The following WIPI1 variants were observed in gnomAD, a reference collection of about 807,000 sequenced individuals.
WIPI1 encodes the protein WD repeat domain phosphoinositide-interacting protein 1.
Under a neutral mutation model 55.3 loss-of-function variants are expected in WIPI1, and 45 were observed. That is an observed-to-expected ratio of 0.81 (90% confidence interval 0.64 to 1.04). The LOEUF (loss-of-function observed/expected upper bound fraction) is 1.04, where lower values mean the gene tolerates loss of function less well. WIPI1 is among the 50% of genes least tolerant of loss of function. WIPI1 has a pLI of 0.00. For synonymous variants in WIPI1, 195 were observed against 217.6 expected (o/e 0.90, Z 0.92); for missense variants, 445 against 559.0 (o/e 0.80, Z 2.06).
Position 68,421,501 on chromosome 17 carries a change from T to C in WIPI1, c.*272A>G, listed in dbSNP as rs1051057690. 5 of 461,990 alleles carry C rather than the reference T, an allele frequency of 1.1e-5. No homozygotes were observed. Among genetic ancestry groups the C allele is most frequent in the Non-Finnish European group, 7.9e-6 (2 of 254,194 alleles). The allele number at this position is 461,990 out of a possible 1,614,324, so 28.6% of individuals were successfully genotyped here. A position where few individuals can be genotyped will look rare whatever the true frequency, so the allele number is the denominator to read the frequency against. On this transcript the variant is annotated 3_prime_UTR_variant, in exon 13 of 13. Transcript: ENST00000262139. Reference sequence around the variant, plus strand: ...CCCTTTTAATATAAAATTCCGGTTATATACCAATATGGTTAATTAGCATTT... The same window carrying C: ...CCCTTTTAATATAAAATTCCGGTTACATACCAATATGGTTAATTAGCATTT...
At chr17:68,435,593 CAG>C in intron 6 of WIPI1, 25 bp downstream of exon 6, 1 of 1,610,716 alleles carries the variant, frequency 6.2e-7, no homozygotes, top group Non-Finnish European at 8.5e-7. Context: ...GAAACCCAGA[CAG>C]AGGTGTTGGT....
In WIPI1 at chr17:68,450,813, A is replaced by G. The variant is rs2084470918; in HGVS notation, c.248T>C (p.Met83Thr). 1 of 1,614,108 alleles carries G rather than the reference A, an allele frequency of 6.2e-7. No individual in the cohort carries two copies. The highest frequency in any genetic ancestry group is 1.3e-5 in the African/African-American group (1 of 74,960). ...VVVSHTKPRQMNVYHFKKGTE... is the reference protein window; with the variant it reads ...VVVSHTKPRQTNVYHFKKGTE... Reference sequence around the variant, plus strand: ...GCCTTTCTTGAAGTGATACACGTTCATCTGCCGTGGTTTTGTGTGACTGAC... The same window carrying G: ...GCCTTTCTTGAAGTGATACACGTTCGTCTGCCGTGGTTTTGTGTGACTGAC... Residue 83 changes from methionine to threonine, a missense_variant, in exon 3 of 13, where the codon ATG becomes ACG. By Grantham distance (81) the Met-to-Thr change is moderately conservative. Transcript: ENST00000262139.
chr17:68,426,238 C>A, intron 11 of WIPI1, 63 bp from the exon 12 acceptor site: 1 of 615,192 alleles, frequency 1.6e-6, no homozygotes, highest in South Asian at 1.9e-5. Flanking sequence ...CATGACCTGG[C>A]GGGTGGGGAG....
chr17:68,454,352 T>G (rs936807224), intron 1 of WIPI1, among the ~76,000 whole-genome samples: 1 of 152,236 alleles, frequency 6.6e-6, no homozygotes, highest in Non-Finnish European at 1.5e-5. Flanking sequence ...ATTACAAGCC[T>G]GGATGGCCAA....
At chr17:68,425,434 T>C (rs1248380141) in intron 12 of WIPI1, among the ~76,000 whole-genome samples, 1 of 150,366 alleles carries the variant, frequency 6.7e-6, no homozygotes, top group Non-Finnish European at 1.5e-5. Flanking sequence ...TTGCCCAGGC[T>C]GGTCTCTAAC....
At chr17:68,442,423 C>T (rs139210846) in intron 4 of WIPI1, among the ~76,000 whole-genome samples, 6,856 of 150,836 alleles carry the variant, frequency 0.045, 481 homozygotes, top group African/African-American at 0.15. Flanking sequence ...TGAGATTGCA[C>T]CACCTCACTC....
intron 4 of WIPI1, 135 bp from the exon 5 acceptor site, chr17:68,436,614 T>C (rs1429274122): frequency 1.4e-6 from 1 of 713,126 alleles, no homozygotes; most frequent in Non-Finnish European, 2.3e-6. Context: ...AGACAACTGC[T>C]TTCCGCTGAT....
rs1294327894 is a variant in WIPI1 at position 68,444,514 on chromosome 17, C to T, written c.409G>A (p.Asp137Asn). 7 of 1,613,982 alleles carry T rather than the reference C, an allele frequency of 4.3e-6. No individual in the cohort carries two copies. The South Asian group carries it at 7.7e-5, about 18-fold the overall frequency. The change falls in exon 4 of 13, where the codon GAT becomes AAT. Residue 137 changes from aspartate (D) to asparagine (N), a missense_variant. By Grantham distance (23) the Asp-to-Asn change is conservative. Transcript: ENST00000262139. ...KDMKLLKTLLDIPANPTGLCA... is the reference protein window; with the variant it reads ...KDMKLLKTLLNIPANPTGLCA... ...TCACCTGTTGGGTTTGCAGGAATATCCAGGAGGGTCTTCAACAGCTTCATG... is the reference window on the plus strand; with the variant it reads ...TCACCTGTTGGGTTTGCAGGAATATTCAGGAGGGTCTTCAACAGCTTCATG...
At chr17:68,426,822 A>G (rs1352396742) in intron 11 of WIPI1, among the ~76,000 whole-genome samples, 1 of 152,234 alleles carries the variant, frequency 6.6e-6, no homozygotes, top group Non-Finnish European at 1.5e-5. Flanking sequence ...GGTGTGAGCC[A>G]ATGTGCCTGG....
At chr17:68,433,652 A>G in intron 7 of WIPI1, 77 bp from the exon 8 acceptor site, 2 of 1,221,164 alleles carry the variant, frequency 1.6e-6, no homozygotes, top group East Asian at 2.6e-5. Context: ...GATCAGCTTT[A>G]TAAGAAAATC....
At chr17:68,424,387 C>A (rs1007725770) in intron 12 of WIPI1, 1 of 527,066 alleles carries the variant, frequency 1.9e-6, no homozygotes, top group Non-Finnish European at 3.9e-6. Flanking sequence ...GCCAAATGTG[C>A]TCACTAGAGG....
chr17:68,446,618 C>T (rs2084294979), intron 3 of WIPI1, among the ~76,000 whole-genome samples: 1 of 152,322 alleles, frequency 6.6e-6, no homozygotes, highest in African/African-American at 2.4e-5. Context: ...TATCCAATCA[C>T]TGTGCCTTTT....
chr17:68,448,198 A>G (rs1441445113), intron 3 of WIPI1: 3 of 152,230 alleles, frequency 2.0e-5, no homozygotes, highest in African/African-American at 7.2e-5. Context: ...GACACCACAG[A>G]ATCCCTACCT....
intron 12 of WIPI1, chr17:68,424,557 A>T (rs200337571): frequency 2.9e-4 from 154 of 526,004 alleles, no homozygotes; most frequent in Non-Finnish European, 5.2e-4. Flanking sequence ...TGGCTCTAGG[A>T]GCTGATGCTC....
intron 4 of WIPI1, among the ~76,000 whole-genome samples, chr17:68,436,789 G>C (rs531083434): frequency 6.6e-6 from 1 of 152,208 alleles, no homozygotes; most frequent in African/African-American, 2.4e-5. Context: ...TTGAGGTCAG[G>C]AGTTCCAGAC....
At chr17:68,433,630 T>A in intron 7 of WIPI1, 55 bp from the exon 8 acceptor site, 1 of 1,419,376 alleles carries the variant, frequency 7.0e-7, no homozygotes, top group South Asian at 1.2e-5. Flanking sequence ...AGTTATGGCC[T>A]TATAACTCAG....
intron 10 of WIPI1, 76 bp downstream of exon 10, chr17:68,428,753 T>C: frequency 8.7e-7 from 1 of 1,156,038 alleles, no homozygotes; most frequent in South Asian, 1.3e-5. Context: ...GCACTGAAGC[T>C]TGTCGTTCTT....
chr17:68,444,372 C>T (rs1194878757), intron 4 of WIPI1, 121 bp downstream of exon 4: 1 of 834,648 alleles, frequency 1.2e-6, no homozygotes, highest in Non-Finnish European at 2.0e-6. Context: ...CGAGATAAAC[C>T]TCACTAAGAC....
chr17:68,424,567 C>T (rs1351655533), intron 12 of WIPI1: 2 of 520,432 alleles, frequency 3.8e-6, no homozygotes, highest in African/African-American at 3.9e-5. Flanking sequence ...AGCTGATGCT[C>T]CAAGTCTTGG....
Sources: allele counts gnomAD v4.1 joint callset (sites outside exome capture counted in the v4.1 genomes callset), GRCh38; gene constraint gnomAD v4.1.1; transcripts MANE v1.5; gene names NCBI Gene and HGNC (gene_info 2026-07-23, HGNC 2026-07-21).